Variants in KIF13B observed in about 807,000 individuals in gnomAD.
The protein encoded by KIF13B is kinesin-like protein KIF13B.
KIF13B carries 127 observed loss-of-function variants against 222.0 expected under a neutral mutation model. The ratio of observed to expected loss-of-function variants is 0.57; its 90% CI spans 0.50 to 0.66. KIF13B has a LOEUF of 0.66. KIF13B is among the 30% of genes least tolerant of loss of function. KIF13B has a pLI of 0.00. For synonymous variants in KIF13B, 976 were observed against 919.0 expected, an observed-to-expected ratio of 1.06 and a Z score of -1.12; for missense variants, 2,173 against 2,379.0, an observed-to-expected ratio of 0.91 and a Z score of 1.80.
In KIF13B at chr8:29,263,048, A is replaced by C; in HGVS notation, c.-14T>G. On this transcript the variant is annotated 5_prime_UTR_variant, in exon 1 of 40. Transcript: ENST00000524189. ...GGAGTCCCCCATCCTGCAGCCGCCG[A>C]GGAACTCGTTCGGCTTCCGTCTGCC... The C allele has an allele frequency of 6.3e-7, 1 of 1,578,286 alleles. No individual in the cohort carries two copies. The highest frequency in any genetic ancestry group is 8.6e-7 in the Non-Finnish European group (1 of 1,163,160).
chr8:29,160,381 A>G (rs1391340290), intron 13 of KIF13B, among the ~76,000 whole-genome samples: 4 of 152,238 alleles, frequency 2.6e-5, no homozygotes. Context: ...TCACAAAAGA[A>G]TGTGCTTCAC....
intron 36 of KIF13B, among the ~76,000 whole-genome samples, chr8:29,097,799 T>C (rs1303910332): frequency 6.6e-6 from 1 of 152,130 alleles, no homozygotes; most frequent in Non-Finnish European, 1.5e-5. Context: ...CAGAAAAGTA[T>C]TCAAAACAGA....
chr8:29,071,546 C>A lies in KIF13B; in HGVS notation c.5218+74G>T. On this transcript the variant is annotated intron_variant, in intron 39 of 39. Coordinates refer to ENST00000524189, the MANE Select transcript of KIF13B (RefSeq NM_015254.4). The surrounding 1 kb of genome is among the most constrained non-coding windows in gnomAD (Gnocchi z 4.9). ...CCCTCTCCTGCCCGGACCCTGTCCC[C>A]TCCCAGGCCGGCCACGTTCCTGCTT... is the stretch of plus-strand genomic sequence containing the variant. 3 of 1,372,268 alleles carry A rather than the reference C, an allele frequency of 2.2e-6. No homozygotes were observed. The highest frequency in any genetic ancestry group is 3.0e-6 in the Non-Finnish European group (3 of 998,286). 85.0% of individuals were successfully genotyped at this position (1,372,268 alleles called of 1,614,324 possible).
chr8:29,110,417 G>A (rs1330198794), intron 32 of KIF13B, among the ~76,000 whole-genome samples: 3 of 152,150 alleles, frequency 2.0e-5, no homozygotes, highest in East Asian at 1.9e-4. Flanking sequence ...CATTACCCCC[G>A]CCCTGGAACT....
intron 24 of KIF13B, among the ~76,000 whole-genome samples, chr8:29,129,893 A>G (rs1810270797): frequency 6.6e-6 from 1 of 152,188 alleles, no homozygotes; most frequent in East Asian, 1.9e-4. Flanking sequence ...AGGTGGTGTT[A>G]TCATCATGTC....
chr8:29,105,211 T>C (rs1350332476), intron 35 of KIF13B, among the ~76,000 whole-genome samples: 1 of 151,920 alleles, frequency 6.6e-6, no homozygotes, highest in Non-Finnish European at 1.5e-5. Context: ...GCTCAAGCCA[T>C]CCTCCCACCT....
At chr8:29,238,509 G>T (rs1398459966) in intron 2 of KIF13B, among the ~76,000 whole-genome samples, 1 of 152,150 alleles carries the variant, frequency 6.6e-6, no homozygotes, top group African/African-American at 2.4e-5. Context: ...GGAACAAAAA[G>T]ATTTTTAATG....
At chr8:29,072,666 G>A (rs1282045527) in intron 38 of KIF13B, among the ~76,000 whole-genome samples, 1 of 152,202 alleles carries the variant, frequency 6.6e-6, no homozygotes, top group Non-Finnish European at 1.5e-5. Flanking sequence ...CCTGTGCTGT[G>A]TGCCCAGGCT....
intron 13 of KIF13B, among the ~76,000 whole-genome samples, chr8:29,159,094 C>G (rs577683817): frequency 1.3e-5 from 2 of 152,292 alleles, no homozygotes; most frequent in South Asian, 4.1e-4. Context: ...ATATCCCCAG[C>G]TGACATCCTA....
At chr8:29,186,017 G>C (rs1812909253) in intron 6 of KIF13B, among the ~76,000 whole-genome samples, 1 of 152,112 alleles carries the variant, frequency 6.6e-6, no homozygotes, top group South Asian at 2.1e-4. Flanking sequence ...CTAAAGACTA[G>C]GTTTCATCTC....
intron 14 of KIF13B, among the ~76,000 whole-genome samples, chr8:29,153,680 CA>C (rs11422906): frequency 6.7e-4 from 94 of 140,626 alleles, no homozygotes; most frequent in East Asian, 1.1e-3. Context: ...TAACTCCTGC[CA>C]AAAAAAAAAA....
intron 32 of KIF13B, among the ~76,000 whole-genome samples, chr8:29,112,117 A>C (rs573901966): frequency 2.0e-5 from 3 of 152,344 alleles, no homozygotes; most frequent in African/African-American, 7.2e-5. Context: ...AAGATATCTA[A>C]AAGAAAGCCT....
At chr8:29,098,192 T>TAAAAAAAA (rs1808625792) in intron 36 of KIF13B, among the ~76,000 whole-genome samples, 1 of 88,102 alleles carries the variant, frequency 1.1e-5, no homozygotes, top group African/African-American at 4.9e-5. Flanking sequence ...AAAAAAAAAG[T>TAAAAAAAA]AAGTGATGTT....
intron 2 of KIF13B, among the ~76,000 whole-genome samples, chr8:29,210,195 G>T (rs1007310632): frequency 6.6e-6 from 1 of 152,280 alleles, no homozygotes. Flanking sequence ...GAAGGGGATA[G>T]AATCTAAAAA....
intron 1 of KIF13B, among the ~76,000 whole-genome samples, chr8:29,258,515 G>T (rs2117181693): frequency 6.6e-6 from 1 of 152,254 alleles, no homozygotes; most frequent in South Asian, 2.1e-4. Context: ...TGCTTTCAGG[G>T]CTTCCTGCAA....
chr8:29,107,460 G>A (rs927974262), intron 35 of KIF13B, among the ~76,000 whole-genome samples: 9 of 152,146 alleles, frequency 5.9e-5, no homozygotes, highest in Admixed American at 1.3e-4. Context: ...CCTGGGAGGC[G>A]GAGGTTGTAG....
At chr8:29,254,972 A>G (rs1816422886) in intron 1 of KIF13B, among the ~76,000 whole-genome samples, 2 of 152,256 alleles carry the variant, frequency 1.3e-5, no homozygotes, top group Admixed American at 1.3e-4. Context: ...AGAATGAAGT[A>G]TTGATTCATG....
chr8:29,183,372 G>C (rs559179320), intron 6 of KIF13B, among the ~76,000 whole-genome samples: 2 of 151,970 alleles, frequency 1.3e-5, no homozygotes, highest in Admixed American at 6.6e-5. Context: ...GGCTGGTCTC[G>C]AACTCCTGAC....
intron 1 of KIF13B, among the ~76,000 whole-genome samples, chr8:29,248,607 G>T (rs1363891549): frequency 1.3e-5 from 2 of 152,128 alleles, no homozygotes; most frequent in Non-Finnish European, 2.9e-5. Flanking sequence ...GAACAGTATG[G>T]AAGAAACTGA....
Sources: gnomAD v4.1 joint callset for allele counts (sites outside exome capture counted in the v4.1 genomes callset) on GRCh38, gnomAD v4.1.1 for gene constraint, Gnocchi (gnomAD v3.1) non-coding constraint, MANE v1.5 for transcripts, NCBI Gene and HGNC (gene_info 2026-07-23, HGNC 2026-07-21) for gene names.